SMARCC2: variants seen among roughly 807,000 people sequenced by gnomAD.
The protein encoded by SMARCC2 is SWI/SNF complex subunit SMARCC2.
Under a neutral mutation model 151.3 loss-of-function variants are expected in SMARCC2, and 15 were observed. The observed-to-expected ratio is 0.10, with a 90% CI of 0.07 to 0.15. The LOEUF (loss-of-function observed/expected upper bound fraction) is 0.15. SMARCC2 is among the 10% of genes least tolerant of loss of function. The pLI is 1.00. For missense variants in SMARCC2, 1,031 were observed against 1,599.7 expected (o/e 0.64, Z 6.06); for synonymous variants, 590 against 609.5 (o/e 0.97, Z 0.47).
rs1320835426 is a variant in SMARCC2, at chr12:56,162,460, C to A, written c.*1229G>T. ...TGAACAGAAGAAAGGTGCTAAGACG[C>A]AGAGGGAGAGAAACATGGGGACATG... On this transcript the variant is annotated 3_prime_UTR_variant, in exon 29 of 29. Coordinates refer to ENST00000550164, the MANE Select transcript of SMARCC2 (RefSeq NM_001330288.2). The A allele has an allele frequency of 1.7e-6, 1 of 591,198 alleles. No individual in the cohort carries two copies. The highest frequency in any genetic ancestry group is 1.9e-5 in the African/African-American group (1 of 53,312). The allele number at this position is 591,198 out of a possible 1,614,324, so 36.6% of individuals were successfully genotyped here.
rs140106957 is a variant in SMARCC2, at chr12:56,179,128, C to T, written c.1082-72G>A. 4.0e-4 allele frequency: 535 copies of T among 1,343,250 alleles called. 3 individuals are homozygous for T. In the East Asian group the frequency reaches 0.012, roughly 29 times the overall value. 83.2% of individuals were successfully genotyped at this position (1,343,250 alleles called of 1,614,324 possible). ...AAGCCTTCAATTTAATAGTTCCAGACATCCTACTTTCTCCAAAAATTGTCT... is the reference window on the plus strand; with the variant it reads ...AAGCCTTCAATTTAATAGTTCCAGATATCCTACTTTCTCCAAAAATTGTCT... On this transcript the variant is annotated intron_variant, in intron 11 of 28. Coordinates refer to ENST00000550164, the MANE Select transcript of SMARCC2 (RefSeq NM_001330288.2).
intron 11 of SMARCC2, among the ~76,000 whole-genome samples, chr12:56,180,651 GC>G (rs1876022403): frequency 2.0e-5 from 3 of 147,500 alleles, no homozygotes; most frequent in African/African-American, 7.5e-5. Flanking sequence ...TGATCCGCCC[GC>G]CTCGGCCTCC....
chr12:56,172,832 C>T, intron 18 of SMARCC2, 105 bp downstream of exon 18: 1 of 1,563,522 alleles, frequency 6.4e-7, no homozygotes, highest in Non-Finnish European at 8.7e-7. Context: ...GGGACTTCCT[C>T]CCTTACTGCT....
chr12:56,175,760 G>A (rs1592299323), intron 15 of SMARCC2, among the ~76,000 whole-genome samples: 1 of 152,194 alleles, frequency 6.6e-6, no homozygotes, highest in South Asian at 2.1e-4. Context: ...TACCTCTAAG[G>A]TTGACGTAAA....
rs1435431683 is a variant in SMARCC2, at chr12:56,189,347, G to A, written c.111+4C>T. ...CCCCGCGCGGCCCGGCCCGGCCCGC[G>A]TACCTTCTTGTAGTTCTTGCCGAGC... On this transcript the variant is annotated splice_donor_region_variant and intron_variant, in intron 1 of 28. Coordinates refer to ENST00000550164, the MANE Select transcript of SMARCC2 (RefSeq NM_001330288.2). The A allele has an allele frequency of 4.7e-6, 7 of 1,495,188 alleles. No individual in the cohort carries two copies. Among genetic ancestry groups the A allele is most frequent in the Non-Finnish European group, 6.3e-6 (7 of 1,109,858 alleles). The allele number at this position is 1,495,188 out of a possible 1,614,324, so 92.6% of individuals were successfully genotyped here.
chr12:56,184,758 G>A (rs1220215307), intron 5 of SMARCC2, 86 bp downstream of exon 5: 5 of 797,644 alleles, frequency 6.3e-6, no homozygotes, highest in Non-Finnish European at 1.1e-5. Context: ...CAGAAAACAT[G>A]GTAATTCAGG....
chr12:56,184,069 C>A, intron 6 of SMARCC2, 106 bp downstream of exon 6: 1 of 1,050,700 alleles, frequency 9.5e-7, no homozygotes, highest in Non-Finnish European at 1.4e-6. Flanking sequence ...TAAGAGGATT[C>A]AAGATTGAAA....
In SMARCC2 at chr12:56,181,815, C is replaced by T; in HGVS notation, c.729G>A (p.Leu243=). The change falls in exon 9 of 29, where the codon CTG becomes CTA. Residue 243 remains leucine, a synonymous_variant. Transcript: ENST00000550164. ...KPRKVHAKWI[L]DTDTFNEWMN... ...TCCATTCATTGAAGGTGTCGGTGTC[C>T]AGGATCCACTTTGCATGAACCTAAA... is the stretch of plus-strand genomic sequence containing the variant. 6.2e-7 allele frequency: 1 copy of T among 1,614,120 alleles called. No individual in the cohort carries two copies. The highest frequency in any genetic ancestry group is 1.1e-5 in the South Asian group (1 of 91,084).
intron 15 of SMARCC2, 94 bp downstream of exon 15, chr12:56,177,928 A>C: frequency 1.1e-6 from 1 of 902,420 alleles, no homozygotes; most frequent in South Asian, 1.6e-5. Context: ...GAAGATGCTC[A>C]AGAAATGTTT....
At chr12:56,164,200 T>C in intron 28 of SMARCC2, 103 bp downstream of exon 28, 14 of 1,012,834 alleles carry the variant, frequency 1.4e-5, no homozygotes, top group Non-Finnish European at 1.9e-5. Flanking sequence ...TCAAAAAGGA[T>C]TGTGGAAACT....
chr12:56,174,122 G>T (rs945642082), intron 16 of SMARCC2, among the ~76,000 whole-genome samples: 1 of 152,146 alleles, frequency 6.6e-6, no homozygotes, highest in Non-Finnish European at 1.5e-5. Flanking sequence ...TAGTAAAACT[G>T]AACCAGTTTC....
At chr12:56,172,820 G>C in intron 18 of SMARCC2, 116 bp from the exon 19 acceptor site, 2 of 1,554,934 alleles carry the variant, frequency 1.3e-6, no homozygotes, top group South Asian at 1.1e-5. Context: ...ACACCCCTGG[G>C]TGGGACTTCC....
At position 56,182,430 on chromosome 12, in the gene SMARCC2, T is replaced by A. The variant is rs192214504; in HGVS notation, c.633-351A>T. ...ACCTCCGCCTCCCGGGTTCAAGCGA[T>A]TCTCCTGCCTCAGCCTCCCGAGTAG... On this transcript the variant is annotated intron_variant, in intron 7 of 28. Transcript: ENST00000550164. 1.7e-3 allele frequency among the ~76,000 whole-genome samples: 260 copies of A among 151,886 alleles called. 3 individuals carry two copies. Among genetic ancestry groups the A allele is most frequent in the Non-Finnish European group, 3.4e-4 (23 of 67,948 alleles).
intron 22 of SMARCC2, 60 bp from the exon 23 acceptor site, chr12:56,170,268 A>G (rs1873670688): frequency 2.2e-6 from 3 of 1,353,978 alleles, no homozygotes; most frequent in Non-Finnish European, 3.1e-6. Context: ...GTCTGTGTCT[A>G]ACACTTTTCT....
rs1170066991 is a variant in SMARCC2 at position 56,171,406 on chromosome 12, C to A, written c.2212G>T (p.Val738Leu). The change falls in exon 22 of 29, where the codon GTA (valine) becomes TTA (leucine). Residue 738 changes from valine (V) to leucine (L), a missense_variant. By Grantham distance (32) the Val-to-Leu change is conservative. Around this residue, in one of 12 missense-constraint regions of SMARCC2, gnomAD observed 119 missense variants for 184.2 expected, o/e 0.65. Coordinates refer to ENST00000550164, the MANE Select transcript of SMARCC2 (RefSeq NM_001330288.2). This position sits in a 1 kb window ranked among gnomAD's most constrained non-coding sequence, Gnocchi z 4.2. ...LEEFSKMKEE[V>L]PTALVEAHVR... ...TGGGCCTCCACCAAGGCCGTGGGTA[C>A]CTCTTCCTTCATTTTGGAGAACTCC... The A allele has an allele frequency of 6.2e-7, 1 of 1,614,212 alleles. No homozygotes were observed. The highest frequency in any genetic ancestry group is 1.3e-5 in the African/African-American group (1 of 75,052).
intron 8 of SMARCC2, 40 bp downstream of exon 8, chr12:56,181,964 G>A (rs1347981789): frequency 6.3e-7 from 1 of 1,583,020 alleles, no homozygotes; most frequent in Non-Finnish European, 8.7e-7. Flanking sequence ...ACTGTTCCTG[G>A]CATTCTTTTT....
intron 7 of SMARCC2, 76 bp from the exon 8 acceptor site, chr12:56,182,155 C>G: frequency 1.0e-6 from 1 of 1,003,772 alleles, no homozygotes; most frequent in Non-Finnish European, 1.5e-6. Context: ...ATCTTTTACC[C>G]TTTCCATTTA....
chr12:56,178,072 C>T lies in SMARCC2; in HGVS notation c.1332G>A (p.Arg444=), dbSNP rs750570898. ...DYNSVHAIER[R]ALPEFFNGKN... ...TGCCGTTGAAGAACTCGGGGAGAGC[C>T]CTCCGCTCAATGGCATGAACACTGC... The change falls in exon 15 of 29, where the codon AGG becomes AGA. Residue 444 remains arginine (R), a synonymous_variant. Transcript: ENST00000550164. 17 of 1,613,528 alleles carry T rather than the reference C, an allele frequency of 1.1e-5. No homozygotes were observed. The South Asian group carries it at 1.5e-4, about 15-fold the overall frequency.
At position 56,172,998 on chromosome 12, in the gene SMARCC2, CCAGCCTTGGTAT is replaced by C. The variant is rs1347732443; in HGVS notation, c.1670_1681del (p.Asp557_Ala560del). ...GTCATCCAGCTCTTTGCCCTTTCGC[CCAGCCTTGGTAT>C]CAGCATCAACCTGGCGGCCCTGGGG... On this transcript the variant is annotated inframe_deletion, in exon 18 of 29. Transcript: ENST00000550164. 1 of 1,614,004 alleles carries C rather than the reference CCAGCCTTGGTAT, an allele frequency of 6.2e-7. No individual in the cohort carries two copies. Among genetic ancestry groups the C allele is most frequent in the Non-Finnish European group, 8.5e-7 (1 of 1,180,048 alleles).
Sources: gnomAD v4.1 joint callset for allele counts (sites outside exome capture counted in the v4.1 genomes callset) on GRCh38, gnomAD v4.1.1 for gene constraint, gnomAD v4.1.1 regional missense constraint, Gnocchi (gnomAD v3.1) non-coding constraint, MANE v1.5 for transcripts, NCBI Gene and HGNC (gene_info 2026-07-23, HGNC 2026-07-21) for gene names.